Variants in GAK observed in about 807,000 individuals in gnomAD.
GAK encodes cyclin-G-associated kinase.
Under a neutral mutation model 143.9 loss-of-function variants are expected in GAK, and 79 were observed. The ratio of observed to expected loss-of-function variants is 0.55; its 90% CI spans 0.46 to 0.66. The LOEUF is 0.66. Among genes scored for constraint, GAK ranks in the 30% least tolerant of loss-of-function variants. The pLI, the probability that GAK is intolerant of heterozygous loss-of-function variation, is 0.00. For synonymous variants in GAK, 881 were observed against 765.5 expected, an observed-to-expected ratio of 1.15 and a Z score of -2.49; for missense variants, 1,693 against 1,779.7, an observed-to-expected ratio of 0.95 and a Z score of 0.88.
Position 898,129 on chromosome 4 carries a change from C to A in GAK, c.555G>T (p.Gly185=). The change falls in exon 6 of 28, where the codon GGG becomes GGT. Residue 185 remains glycine (G), a synonymous_variant. Transcript: ENST00000314167. ...TGCCAAAGTCACACAGCTTAATGGT[C>A]CCTTGGTTACTAAGCAACAAGTTCT... is the stretch of plus-strand genomic sequence containing the variant. ...KVENLLLSNQ[G]TIKLCDFGSA... is the part of the protein sequence containing the mutation. 2 of 1,614,120 alleles carry A rather than the reference C, an allele frequency of 1.2e-6. No homozygotes were observed. The highest frequency in any genetic ancestry group is 1.7e-6 in the Non-Finnish European group (2 of 1,179,972).
intron 21 of GAK, 74 bp downstream of exon 21, chr4:866,882 C>T: frequency 1.8e-6 from 2 of 1,141,012 alleles, no homozygotes; most frequent in African/African-American, 3.1e-5. Context: ...GAAACACGCC[C>T]ATGCAGTGAG....
intron 6 of GAK, 79 bp downstream of exon 6, chr4:897,954 C>A: frequency 6.8e-7 from 1 of 1,469,248 alleles, no homozygotes; most frequent in Admixed American, 2.2e-5. Context: ...AGCACCCCGG[C>A]GGAAAACAGC....
chr4:879,116 G>A (rs1714575564), intron 15 of GAK, among the ~76,000 whole-genome samples: 1 of 152,234 alleles, frequency 6.6e-6, no homozygotes, highest in Admixed American at 6.5e-5. Context: ...TCAAGGTCCA[G>A]GGAGACCACG....
intron 11 of GAK, among the ~76,000 whole-genome samples, chr4:884,760 G>C (rs2152822557): frequency 6.6e-6 from 1 of 152,354 alleles, no homozygotes; most frequent in East Asian, 1.9e-4. Flanking sequence ...TCTTGTGAGG[G>C]AAGGAGCAGA....
At chr4:921,931 C>G (rs761763014) in intron 1 of GAK, among the ~76,000 whole-genome samples, 1 of 152,112 alleles carries the variant, frequency 6.6e-6, no homozygotes, top group African/African-American at 2.4e-5. Flanking sequence ...CCCAAGCTAT[C>G]GGGAAAATGC....
chr4:876,501 C>T (rs781649213), intron 18 of GAK, 29 bp downstream of exon 18: 11 of 1,602,080 alleles, frequency 6.9e-6, no homozygotes, highest in East Asian at 2.2e-5. Flanking sequence ...CCTGTCCCTC[C>T]CCACCGAGCA....
At chr4:917,774 C>A (rs1457875781) in intron 1 of GAK, among the ~76,000 whole-genome samples, 2 of 152,316 alleles carry the variant, frequency 1.3e-5, no homozygotes, top group East Asian at 3.9e-4. Context: ...TTAAAACATG[C>A]AGCCTGTATA....
intron 10 of GAK, among the ~76,000 whole-genome samples, chr4:889,350 C>T (rs1193390805): frequency 6.6e-6 from 1 of 152,230 alleles, no homozygotes; most frequent in Non-Finnish European, 1.5e-5. Flanking sequence ...TTCAGGCCAC[C>T]ATGACCCTGG....
intron 1 of GAK, among the ~76,000 whole-genome samples, chr4:924,125 C>T (rs915445358): frequency 5.4e-5 from 8 of 147,168 alleles, no homozygotes; most frequent in African/African-American, 2.0e-4. Context: ...GTGGAGCTTG[C>T]CGTGAGCCAA....
intron 15 of GAK, among the ~76,000 whole-genome samples, chr4:880,684 C>A (rs1426389272): frequency 6.6e-6 from 1 of 152,194 alleles, no homozygotes; most frequent in Non-Finnish European, 1.5e-5. Context: ...ACAGCACACA[C>A]ACACCTCCTC....
chr4:887,140 CAT>C (rs1214924406), intron 11 of GAK: 1 of 152,060 alleles, frequency 6.6e-6, no homozygotes, highest in African/African-American at 2.4e-5. Flanking sequence ...GGCTCACACA[CAT>C]GCGTACACAT....
At chr4:906,467 G>A (rs940497909) in intron 4 of GAK, among the ~76,000 whole-genome samples, 4 of 152,128 alleles carry the variant, frequency 2.6e-5, no homozygotes, top group Non-Finnish European at 4.4e-5. Flanking sequence ...GGGGCAGCAC[G>A]CAGGGCTGAG....
chr4:883,981 C>T, intron 12 of GAK, 56 bp downstream of exon 12: 1 of 1,499,964 alleles, frequency 6.7e-7, no homozygotes, highest in Non-Finnish European at 9.3e-7. Flanking sequence ...CAGGGACTCA[C>T]TGGGCACACA....
intron 1 of GAK, among the ~76,000 whole-genome samples, chr4:919,152 G>A (rs181798175): frequency 0.018 from 2,338 of 126,560 alleles, 47 homozygotes; most frequent in Middle Eastern, 0.038. Context: ...CCTCAGCGCC[G>A]CATGACCTTA....
chr4:888,808 G>C (rs1235167752), intron 11 of GAK, 39 bp downstream of exon 11: 13 of 1,578,200 alleles, frequency 8.2e-6, no homozygotes, highest in Non-Finnish European at 8.6e-6. Flanking sequence ...CCTGGAACGA[G>C]CGTGCGGCAG....
At chr4:931,791 C>T in intron 1 of GAK, among the ~76,000 whole-genome samples, 1 of 152,138 alleles carries the variant, frequency 6.6e-6, no homozygotes, top group East Asian at 1.9e-4. Flanking sequence ...AAGAAAGTAC[C>T]CCGACCCGGT....
At chr4:871,911 C>T (rs1026412381) in intron 18 of GAK, among the ~76,000 whole-genome samples, 27 of 152,190 alleles carry the variant, frequency 1.8e-4, no homozygotes, top group Non-Finnish European at 1.0e-4. Flanking sequence ...CTCCCCATGC[C>T]TGTCTTATTT....
intron 11 of GAK, 93 bp downstream of exon 11, chr4:888,754 C>G: frequency 8.1e-6 from 12 of 1,478,446 alleles, no homozygotes; most frequent in Non-Finnish European, 1.0e-5. Flanking sequence ...GGCCTGATGA[C>G]CAGCTGTTCC....
Position 898,156 on chromosome 4 carries a change from A to G in GAK, c.528T>C (p.Val176=), listed in dbSNP as rs1719164461. Reference sequence around the variant, plus strand: ...CTTGGTTACTAAGCAACAAGTTCTCAACCTGTAAAATTCCACAAGACAGCC... The same window carrying G: ...CTTGGTTACTAAGCAACAAGTTCTCGACCTGTAAAATTCCACAAGACAGCC... ...KPPIIHRDLK[V]ENLLLSNQGT... is the part of the protein sequence containing the mutation. Residue 176 remains valine (V), a splice_region_variant and synonymous_variant, in exon 6 of 28, where the codon GTT becomes GTC. Coordinates refer to ENST00000314167, the MANE Select transcript of GAK (RefSeq NM_005255.4). 1 of 1,612,652 alleles carries G rather than the reference A, an allele frequency of 6.2e-7. No homozygotes were observed. Among genetic ancestry groups the G allele is most frequent in the Non-Finnish European group, 8.5e-7 (1 of 1,178,772 alleles).
Sources: allele counts gnomAD v4.1 joint callset (sites outside exome capture counted in the v4.1 genomes callset), GRCh38; gene constraint gnomAD v4.1.1; transcripts MANE v1.5; gene names NCBI Gene and HGNC (gene_info 2026-07-23, HGNC 2026-07-21).